Variants in ENDOD1 observed in about 807,000 individuals in gnomAD.
The protein encoded by ENDOD1 is endonuclease domain-containing 1 protein.
In ENDOD1, 9 loss-of-function variants were observed where a neutral mutation model predicts 6.5. The ratio of observed to expected loss-of-function variants is 1.39; its 90% CI spans 0.84 to 2.43. The LOEUF (loss-of-function observed/expected upper bound fraction) is 2.43, where lower values mean the gene tolerates loss of function less well. ENDOD1 is among the 30% of genes most tolerant of loss of function. The probability of loss-of-function intolerance (pLI) is 0.00; values close to 1 mark genes in which losing one functional copy is unlikely to be tolerated. For missense variants in ENDOD1, 648 were observed against 635.5 expected, an observed-to-expected ratio of 1.02 and a Z score of -0.21; for synonymous variants, 255 against 255.2, an observed-to-expected ratio of 1.00 and a Z score of 0.01.
chr11:95,112,945 A>G (rs899557467), intron 1 of ENDOD1, among the ~76,000 whole-genome samples: 1 of 152,094 alleles, frequency 6.6e-6, no homozygotes, highest in African/African-American at 2.4e-5. Flanking sequence ...AACATTAGCT[A>G]TGGGGCTGGA....
rs116249248 is a variant in ENDOD1 at position 95,108,373 on chromosome 11, G to T, written c.300+18146G>T. On this transcript the variant is annotated intron_variant, in intron 1 of 1. Coordinates refer to ENST00000278505, the MANE Select transcript of ENDOD1 (RefSeq NM_015036.3). ...TCCTTCTTCCCACAGCCAGGAAGGT[G>T]TGTGAGTGGTGCTGGGAGCCCAGAG... is the stretch of plus-strand genomic sequence containing the variant. 8.0e-3 allele frequency among the ~76,000 whole-genome samples: 1,222 copies of T among 152,188 alleles called. 12 individuals are homozygous for T. The highest frequency in any genetic ancestry group is 0.027 in the African/African-American group (1,141 of 41,502).
In ENDOD1 at chr11:95,129,384, T is replaced by C. The variant is rs759267648; in HGVS notation, c.1308T>C (p.Asp436=). ...GCATCCCTGTCCGTGTCCTTGTGGA[T>C]GTGGCCACTTTCCCTGTGTACACCA... The part of the protein sequence containing the change: ...VLSIPVRVLV[D]VATFPVYTMG... Residue 436 remains aspartate, a synonymous_variant, in exon 2 of 2, where the codon GAT becomes GAC. Transcript: ENST00000278505. The C allele has an allele frequency of 1.8e-4, 283 of 1,614,092 alleles. No individual in the cohort carries two copies. The highest frequency in any genetic ancestry group is 2.3e-4 in the Non-Finnish European group (272 of 1,180,034).
chr11:95,123,588 C>CAAAAAAAA lies in ENDOD1; in HGVS notation c.301-4779_301-4772dup, dbSNP rs71930134. Among the ~76,000 whole-genome samples the CAAAAAAAA allele has an allele frequency of 4.1e-4, 56 of 134,962 alleles. 1 individual carries two copies. Among genetic ancestry groups the CAAAAAAAA allele is most frequent in the African/African-American group, 1.4e-3 (51 of 35,658 alleles). The allele number at this position is 134,962 out of a possible 152,430, so 88.5% of individuals were successfully genotyped here. On this transcript the variant is annotated intron_variant, in intron 1 of 1. Transcript: ENST00000278505. ...TTGATTCAGGAGGTAGTATAAATAC[C>CAAAAAAAA]AAAAAAAAAAAAAAAAATTTAAGCA...
chr11:95,129,392 C>G lies in ENDOD1; in HGVS notation c.1316C>G (p.Thr439Ser), dbSNP rs1859347332. The G allele has an allele frequency of 1.2e-6, 2 of 1,614,214 alleles. No homozygotes were observed. The highest frequency in any genetic ancestry group is 8.5e-7 in the Non-Finnish European group (1 of 1,180,044). ...GTCCGTGTCCTTGTGGATGTGGCCA[C>G]TTTCCCTGTGTACACCATGGGCGCT... ...IPVRVLVDVA[T>S]FPVYTMGAIP... Residue 439 changes from threonine to serine, a missense_variant, in exon 2 of 2, where the codon ACT becomes AGT. Coordinates refer to ENST00000278505, the MANE Select transcript of ENDOD1 (RefSeq NM_015036.3).
intron 1 of ENDOD1, among the ~76,000 whole-genome samples, chr11:95,125,979 A>G (rs1280541399): frequency 6.6e-6 from 1 of 152,170 alleles, no homozygotes; most frequent in Non-Finnish European, 1.5e-5. Context: ...TGGCTGGGTC[A>G]AATGGTATTT....
intron 1 of ENDOD1, among the ~76,000 whole-genome samples, chr11:95,120,166 G>A (rs1006499601): frequency 6.6e-6 from 1 of 152,152 alleles, no homozygotes; most frequent in Non-Finnish European, 1.5e-5. Flanking sequence ...CTCTGTGGCT[G>A]AGCTGGTACC....
chr11:95,097,154 CAAA>C (rs34990638), intron 1 of ENDOD1, among the ~76,000 whole-genome samples: 8 of 140,164 alleles, frequency 5.7e-5, no homozygotes, highest in Admixed American at 1.4e-4. Context: ...GACCCTGTTT[CAAA>C]AAAAAAAAAA....
intron 1 of ENDOD1, among the ~76,000 whole-genome samples, chr11:95,121,185 T>C (rs564697953): frequency 1.5e-4 from 23 of 152,284 alleles, no homozygotes; most frequent in African/African-American, 4.8e-4. Flanking sequence ...TTTGTGTAGA[T>C]AGTTATTAAA....
chr11:95,103,463 C>T (rs1859061145), intron 1 of ENDOD1, among the ~76,000 whole-genome samples: 1 of 152,188 alleles, frequency 6.6e-6, no homozygotes, highest in African/African-American at 2.4e-5. Flanking sequence ...TTATTGAGAT[C>T]TTAGGACTAA....
rs184884215 is a variant in ENDOD1, at chr11:95,118,847, T to C, written c.301-9530T>C. Among the ~76,000 whole-genome samples the C allele has an allele frequency of 2.0e-5, 3 of 152,322 alleles. No homozygotes were observed. The East Asian group carries it at 5.8e-4, about 29-fold the overall frequency. On this transcript the variant is annotated intron_variant, in intron 1 of 1. Transcript: ENST00000278505. Reference sequence around the variant, plus strand: ...ATCTTGTAGGTGTGCTTCATTGTTTTTTATTCTTTTTCTTTTGTCTCTTGT... The same window carrying C: ...ATCTTGTAGGTGTGCTTCATTGTTTCTTATTCTTTTTCTTTTGTCTCTTGT...
intron 1 of ENDOD1, among the ~76,000 whole-genome samples, chr11:95,122,272 G>C (rs764275063): frequency 6.6e-6 from 1 of 152,010 alleles, no homozygotes; most frequent in African/African-American, 2.4e-5. Context: ...ACCCAGGCTG[G>C]AGTACAATGG....
chr11:95,124,748 GT>G (rs1859295192), intron 1 of ENDOD1, among the ~76,000 whole-genome samples: 1 of 152,166 alleles, frequency 6.6e-6, no homozygotes, highest in African/African-American at 2.4e-5. Context: ...TGGTTGTCAG[GT>G]GCAAGGCCAT....
chr11:95,117,726 G>A (rs553711720), intron 1 of ENDOD1, among the ~76,000 whole-genome samples: 5 of 152,206 alleles, frequency 3.3e-5, no homozygotes, highest in Non-Finnish European at 5.9e-5. Context: ...GCCCATTTGT[G>A]TCTTTTGATT....
At position 95,111,578 on chromosome 11, in the gene ENDOD1, C is replaced by T. The variant is rs562421768; in HGVS notation, c.301-16799C>T. On this transcript the variant is annotated intron_variant, in intron 1 of 1. Coordinates refer to ENST00000278505, the MANE Select transcript of ENDOD1 (RefSeq NM_015036.3). Reference sequence around the variant, plus strand: ...ATCATCAGGCATTAGATTCTCATAACGAGCACACAACCTAGATCCCTCACA... The same window carrying T: ...ATCATCAGGCATTAGATTCTCATAATGAGCACACAACCTAGATCCCTCACA... Among the ~76,000 whole-genome samples, 8 of 151,944 alleles carry T rather than the reference C, an allele frequency of 5.3e-5. No homozygotes were observed. The South Asian group carries it at 8.3e-4, about 16-fold the overall frequency.
intron 1 of ENDOD1, among the ~76,000 whole-genome samples, chr11:95,124,314 C>T (rs1007205390): frequency 3.9e-5 from 6 of 152,152 alleles, no homozygotes; most frequent in Admixed American, 2.6e-4. Flanking sequence ...AAAATGCCTT[C>T]CACATAATGT....
chr11:95,117,917 G>C (rs113439104), intron 1 of ENDOD1, among the ~76,000 whole-genome samples: 1 of 151,886 alleles, frequency 6.6e-6, no homozygotes, highest in African/African-American at 2.4e-5. Context: ...TATTTTTGGT[G>C]TATCTGCTGT....
chr11:95,115,497 C>T (rs1395899615), intron 1 of ENDOD1, among the ~76,000 whole-genome samples: 3 of 151,698 alleles, frequency 2.0e-5, no homozygotes, highest in Non-Finnish European at 4.4e-5. Flanking sequence ...TTATTTCTTT[C>T]TCTTCTCTGA....
intron 1 of ENDOD1, among the ~76,000 whole-genome samples, chr11:95,097,336 G>C (rs1038396791): frequency 6.6e-6 from 1 of 152,102 alleles, no homozygotes; most frequent in Non-Finnish European, 1.5e-5. Flanking sequence ...AATTATGCAG[G>C]CATCTATAGA....
chr11:95,119,547 G>T (rs1466475477), intron 1 of ENDOD1, among the ~76,000 whole-genome samples: 3 of 152,156 alleles, frequency 2.0e-5, no homozygotes, highest in African/African-American at 7.2e-5. Context: ...GAGTCACCTG[G>T]AGCTGAGGAT....
Sources: allele counts gnomAD v4.1 joint callset (sites outside exome capture counted in the v4.1 genomes callset), GRCh38; gene constraint gnomAD v4.1.1; transcripts MANE v1.5; gene names NCBI Gene and HGNC (gene_info 2026-07-23, HGNC 2026-07-21).